NSUN6: variants seen among roughly 807,000 people sequenced by gnomAD.
The protein encoded by NSUN6 is NOP2/Sun RNA methyltransferase 6, also known as tRNA (cytosine(72)-C(5))-methyltransferase NSUN6.
A neutral mutation model predicts 58.0 loss-of-function variants in NSUN6; 64 were observed. That is an observed-to-expected ratio of 1.10 (90% CI 0.90 to 1.36). NSUN6 has a LOEUF of 1.36. NSUN6 is among the 40% of genes most tolerant of loss of function. NSUN6 has a pLI of 0.00. For synonymous variants in NSUN6, 231 were observed against 193.9 expected, an observed-to-expected ratio of 1.19 and a Z score of -1.59; for missense variants, 701 against 550.1, an observed-to-expected ratio of 1.27 and a Z score of -2.74.
rs555407600 is a variant in NSUN6, at chr10:18,648,461, T to C, written c.231+29A>G. 1.2e-5 allele frequency: 18 copies of C among 1,496,920 alleles called. No individual in the cohort carries two copies. In the East Asian group the frequency reaches 3.6e-4, roughly 30 times the overall value. The allele number at this position is 1,496,920 out of a possible 1,614,324, so 92.7% of individuals were successfully genotyped here. A position where few individuals can be genotyped will look rare whatever the true frequency, so the allele number is the denominator to read the frequency against. On this transcript the variant is annotated intron_variant, in intron 2 of 10. Coordinates refer to ENST00000377304, the MANE Select transcript of NSUN6 (RefSeq NM_182543.5). Reference sequence around the variant, plus strand: ...ATGGTAGATTGCAAAAATGTAATTATGTACAAATGACAGAAAATTTCCACA... The same window carrying C: ...ATGGTAGATTGCAAAAATGTAATTACGTACAAATGACAGAAAATTTCCACA...
intron 3 of NSUN6, among the ~76,000 whole-genome samples, chr10:18,620,091 ATTT>A (rs200450047): frequency 9.5e-4 from 140 of 147,742 alleles, no homozygotes; most frequent in African/African-American, 1.7e-3. Context: ...AATAAAAAAA[ATTT>A]TTTTTTTTTT....
intron 3 of NSUN6, among the ~76,000 whole-genome samples, chr10:18,639,244 C>T (rs1040732520): frequency 2.0e-5 from 3 of 152,104 alleles, no homozygotes; most frequent in African/African-American, 7.2e-5. Context: ...CCTGTAATCC[C>T]AGCACTTTGG....
At chr10:18,581,921 TTACTC>T (rs2056921334) in intron 8 of NSUN6, among the ~76,000 whole-genome samples, 1 of 152,112 alleles carries the variant, frequency 6.6e-6, no homozygotes, top group Non-Finnish European at 1.5e-5. Context: ...TGCTTTCACT[TTACTC>T]TATGAACTCA....
At chr10:18,572,491 CCA>C (rs1447164433) in intron 8 of NSUN6, among the ~76,000 whole-genome samples, 1 of 151,214 alleles carries the variant, frequency 6.6e-6, no homozygotes, top group Non-Finnish European at 1.5e-5. Context: ...CCATTCCATT[CCA>C]CTCCCCATTC....
upstream of NSUN6, among the ~76,000 whole-genome samples, chr10:18,658,901 GATTA>G (rs570425317): frequency 3.6e-3 from 554 of 152,298 alleles, 4 homozygotes; most frequent in African/African-American, 0.012. Flanking sequence ...TGAATGAATA[GATTA>G]ATAAATGAAT....
chr10:18,623,680 G>A (rs1308497800), intron 3 of NSUN6, among the ~76,000 whole-genome samples: 1 of 152,146 alleles, frequency 6.6e-6, no homozygotes, highest in African/African-American at 2.4e-5. Flanking sequence ...TAACAAACCT[G>A]ATCAACTGCC....
intron 5 of NSUN6, among the ~76,000 whole-genome samples, chr10:18,613,003 T>G (rs548496090): frequency 1.2e-3 from 190 of 152,304 alleles, no homozygotes; most frequent in African/African-American, 4.5e-3. Context: ...AGAAACAGGG[T>G]GTACATGTAG....
At chr10:18,658,999 C>G (rs1459695668), upstream of NSUN6, among the ~76,000 whole-genome samples, 2 of 152,220 alleles carry the variant, frequency 1.3e-5, no homozygotes, top group African/African-American at 4.8e-5. Flanking sequence ...ACACTCTTCA[C>G]TTCTGTGAGT....
intron 8 of NSUN6, among the ~76,000 whole-genome samples, chr10:18,578,813 A>G (rs1006778788): frequency 1.9e-4 from 29 of 152,294 alleles, no homozygotes; most frequent in African/African-American, 6.3e-4. Flanking sequence ...CTCCGTATCA[A>G]TGATCTTGTA....
At chr10:18,637,065 C>T (rs1268437840) in intron 3 of NSUN6, among the ~76,000 whole-genome samples, 13 of 150,398 alleles carry the variant, frequency 8.6e-5, no homozygotes, top group East Asian at 5.9e-4. Context: ...TGGGATCAAG[C>T]GAGTCTCCTT....
intron 3 of NSUN6, 86 bp downstream of exon 3, chr10:18,642,388 CTT>C: frequency 1.5e-6 from 1 of 684,802 alleles, no homozygotes; most frequent in South Asian, 1.8e-5. Context: ...AATGGAGAAA[CTT>C]AGTATTATCA....
chr10:18,557,056 G>A (rs1192657938), intron 8 of NSUN6, among the ~76,000 whole-genome samples: 1 of 151,316 alleles, frequency 6.6e-6, no homozygotes, highest in Admixed American at 6.6e-5. Flanking sequence ...GAATGGAATG[G>A]AAAATGGAAT....
intron 6 of NSUN6, among the ~76,000 whole-genome samples, chr10:18,598,688 G>A (rs2057690855): frequency 1.3e-5 from 2 of 152,186 alleles, no homozygotes; most frequent in South Asian, 2.1e-4. Context: ...TGCCCAGGAT[G>A]GTCCTGGGCT....
intron 3 of NSUN6, among the ~76,000 whole-genome samples, chr10:18,622,037 GACACACACACAC>G (rs370576076): frequency 0.017 from 2,549 of 148,440 alleles, 38 homozygotes; most frequent in Non-Finnish European, 0.027. Flanking sequence ...ATATACGAAT[GACACACACACAC>G]ACACACACAC....
chr10:18,586,256 G>A (rs756023486), intron 7 of NSUN6, among the ~76,000 whole-genome samples, 163 bp from the exon 8 acceptor site: 10 of 152,198 alleles, frequency 6.6e-5, no homozygotes, highest in African/African-American at 2.4e-4. Context: ...GTATGTGTCT[G>A]GAATTTATTC....
intron 1 of NSUN6, among the ~76,000 whole-genome samples, chr10:18,649,241 G>A (rs902271101): frequency 2.0e-5 from 3 of 152,006 alleles, no homozygotes; most frequent in Non-Finnish European, 4.4e-5. Flanking sequence ...CAAATATGAC[G>A]GTATAAAGAC....
In NSUN6 at chr10:18,604,946, C is replaced by T. The variant is rs543663766; in HGVS notation, c.657+4899G>A. Among the ~76,000 whole-genome samples, 26 of 148,914 alleles carry T rather than the reference C, an allele frequency of 1.7e-4. 2 individuals are homozygous for T. In the South Asian group the frequency reaches 4.8e-3, roughly 27 times the overall value. On this transcript the variant is annotated intron_variant, in intron 6 of 10. Transcript: ENST00000377304. ...TGTCACCCAGGCTGGAGTGCAGTGG[C>T]GTGATCTCGGCTCACTGCAAACTCC...
At chr10:18,644,190 ATCTT>A (rs971231608) in intron 2 of NSUN6, among the ~76,000 whole-genome samples, 2 of 152,196 alleles carry the variant, frequency 1.3e-5, no homozygotes, top group African/African-American at 4.8e-5. Context: ...GGCAACCACT[ATCTT>A]TCTTTCTCTA....
intron 3 of NSUN6, among the ~76,000 whole-genome samples, chr10:18,625,713 T>G (rs1310430403): frequency 8.8e-6 from 1 of 113,346 alleles, no homozygotes; most frequent in African/African-American, 3.1e-5. Context: ...ACTATGTGTT[T>G]TTTTTTTAAA....
Sources: allele counts gnomAD v4.1 joint callset (sites outside exome capture counted in the v4.1 genomes callset), GRCh38; gene constraint gnomAD v4.1.1; transcripts MANE v1.5; gene names NCBI Gene and HGNC (gene_info 2026-07-23, HGNC 2026-07-21).